The following PLEKHA7 variants were observed in gnomAD, a reference collection of about 807,000 sequenced individuals.
PLEKHA7 encodes pleckstrin homology domain containing A7, also known as pleckstrin homology domain-containing family A member 7.
Under a neutral mutation model 170.0 loss-of-function variants are expected in PLEKHA7, and 104 were observed. The observed-to-expected ratio is 0.61, with a 90% CI of 0.52 to 0.72. The LOEUF (loss-of-function observed/expected upper bound fraction) is 0.72, where lower values mean the gene tolerates loss of function less well. PLEKHA7 is among the 30% of genes least tolerant of loss of function. PLEKHA7 has a pLI of 0.00. For missense variants in PLEKHA7, 1,615 were observed against 1,671.7 expected (o/e 0.97, Z 0.59); for synonymous variants, 648 against 660.8 (o/e 0.98, Z 0.30).
intron 4 of PLEKHA7, among the ~76,000 whole-genome samples, chr11:16,868,674 A>C (rs1438954330): frequency 3.9e-5 from 6 of 152,218 alleles, no homozygotes. Flanking sequence ...ATGTCTGGCC[A>C]ATCAGTGCCA....
chr11:16,962,563 C>T lies in PLEKHA7; in HGVS notation c.221+51426G>A, dbSNP rs1862129151. On this transcript the variant is annotated intron_variant, in intron 3 of 26. Coordinates refer to ENST00000531066, the MANE Select transcript of PLEKHA7 (RefSeq NM_001329630.2). ...GCAACCTGTATCTCCTGGGTTCAAGCGATTCTCCTGCCTCAGCCTCCTGAG... is the reference window on the plus strand; with the variant it reads ...GCAACCTGTATCTCCTGGGTTCAAGTGATTCTCCTGCCTCAGCCTCCTGAG... Among the ~76,000 whole-genome samples, 4 of 152,132 alleles carry T rather than the reference C, an allele frequency of 2.6e-5. No homozygotes were observed. The South Asian group carries it at 6.2e-4, about 24-fold the overall frequency.
chr11:16,940,281 GTT>G (rs71047516), intron 3 of PLEKHA7, among the ~76,000 whole-genome samples: 1,554 of 110,190 alleles, frequency 0.014, 12 homozygotes, highest in African/African-American at 0.048. Context: ...TTCTTCTGCT[GTT>G]TTTTTTTTTT....
At chr11:16,894,652 G>A (rs1182890190) in intron 3 of PLEKHA7, among the ~76,000 whole-genome samples, 1 of 152,116 alleles carries the variant, frequency 6.6e-6, no homozygotes. Context: ...AATGAAGAAG[G>A]TGAATGGTAA....
chr11:16,787,196 G>A lies in PLEKHA7; in HGVS notation c.3358-809C>T, dbSNP rs1272901229. 4 of 985,298 alleles carry A rather than the reference G, an allele frequency of 4.1e-6. No homozygotes were observed. The African/African-American group carries it at 5.2e-5, about 13-fold the overall frequency. The allele number at this position is 985,298 out of a possible 1,614,324, so 61.0% of individuals were successfully genotyped here. ...ATCCTCACAGGCCTTTGACCGCTGAGCAGGTTGTTGAGAACAGAGCAGGCT... is the reference window on the plus strand; with the variant it reads ...ATCCTCACAGGCCTTTGACCGCTGAACAGGTTGTTGAGAACAGAGCAGGCT... On this transcript the variant is annotated intron_variant, in intron 23 of 26. Coordinates refer to ENST00000531066, the MANE Select transcript of PLEKHA7 (RefSeq NM_001329630.2).
Position 17,004,397 on chromosome 11 carries a change from C to CTT in PLEKHA7, c.221+9590_221+9591dup, listed in dbSNP as rs11420002. ...CACCTTTTTTTTCCTTTTTCTTTTT[C>CTT]TTTTTTTTTTTTAAGACACTGTTTC... On this transcript the variant is annotated intron_variant, in intron 3 of 26. Transcript: ENST00000531066. Among the ~76,000 whole-genome samples the CTT allele has an allele frequency of 7.1e-4, 103 of 144,552 alleles. 1 individual carries two copies. The highest frequency in any genetic ancestry group is 1.1e-3 in the African/African-American group (43 of 39,216). 94.8% of individuals were successfully genotyped at this position (144,552 alleles called of 152,430 possible). A position where few individuals can be genotyped will look rare whatever the true frequency, so the allele number is the denominator to read the frequency against.
At chr11:16,824,276 T>A (rs965907757) in intron 10 of PLEKHA7, among the ~76,000 whole-genome samples, 1 of 152,244 alleles carries the variant, frequency 6.6e-6, no homozygotes, top group African/African-American at 2.4e-5. Context: ...GGGTCATGCC[T>A]ATAATCTCGG....
chr11:16,843,959 A>C (rs1321289750), intron 8 of PLEKHA7, among the ~76,000 whole-genome samples: 2 of 152,080 alleles, frequency 1.3e-5, no homozygotes, highest in Non-Finnish European at 2.9e-5. Context: ...ACAAACAAAA[A>C]AACAGGATAA....
At chr11:16,928,109 A>T (rs1859689044) in intron 3 of PLEKHA7, among the ~76,000 whole-genome samples, 5 of 152,182 alleles carry the variant, frequency 3.3e-5, no homozygotes, top group Admixed American at 2.6e-4. Context: ...TCATCCTCAC[A>T]ACAAGTAAAT....
chr11:16,892,432 G>GTGTTTTGTTTTGTTTTGTTTTGTTT lies in PLEKHA7; in HGVS notation c.222-21275_222-21251dup, dbSNP rs199820686. ...TGTGTGTGTGTGTGTGTGTGTGTGT[G>GTGTTTTGTTTTGTTTTGTTTTGTTT]TGTTTTGTTTTGTTTTGTTTTGTTT... On this transcript the variant is annotated intron_variant, in intron 3 of 26. Coordinates refer to ENST00000531066, the MANE Select transcript of PLEKHA7 (RefSeq NM_001329630.2). Among the ~76,000 whole-genome samples, 42 of 115,022 alleles carry GTGTTTTGTTTTGTTTTGTTTTGTTT rather than the reference G, an allele frequency of 3.7e-4. No individual in the cohort carries two copies. The East Asian group carries it at 5.3e-3, about 15-fold the overall frequency. The allele number at this position is 115,022 out of a possible 152,430, so 75.5% of individuals were successfully genotyped here. A position where few individuals can be genotyped will look rare whatever the true frequency, so the allele number is the denominator to read the frequency against.
intron 17 of PLEKHA7, among the ~76,000 whole-genome samples, chr11:16,798,308 T>G (rs886875588): frequency 3.3e-5 from 5 of 152,174 alleles, no homozygotes; most frequent in African/African-American, 1.2e-4. Context: ...CAGGTTACTG[T>G]GCCACTTAGG....
Position 16,932,039 on chromosome 11 carries a change from G to A in PLEKHA7, c.222-60857C>T, listed in dbSNP as rs560174419. Among the ~76,000 whole-genome samples, 28 of 152,220 alleles carry A rather than the reference G, an allele frequency of 1.8e-4. 1 individual carries two copies. The South Asian group carries it at 5.6e-3, about 30-fold the overall frequency. ...GTATGAATGCTCTCAACTCACCAGT[G>A]TTATCACCTATAAACTCCATGAACT... On this transcript the variant is annotated intron_variant, in intron 3 of 26. Transcript: ENST00000531066.
At chr11:16,820,554 A>G (rs1314199412) in intron 10 of PLEKHA7, among the ~76,000 whole-genome samples, 1 of 151,958 alleles carries the variant, frequency 6.6e-6, no homozygotes, top group Admixed American at 6.6e-5. Context: ...CAGAGGTGGT[A>G]GCGGTGGCAG....
At chr11:16,952,838 C>CT (rs1398809578) in intron 3 of PLEKHA7, among the ~76,000 whole-genome samples, 1 of 152,218 alleles carries the variant, frequency 6.6e-6, no homozygotes, top group African/African-American at 2.4e-5. Flanking sequence ...TGTAATTATA[C>CT]TTTGAGTATT....
At chr11:16,962,842 G>A (rs1224474460) in intron 3 of PLEKHA7, among the ~76,000 whole-genome samples, 1 of 152,166 alleles carries the variant, frequency 6.6e-6, no homozygotes, top group Non-Finnish European at 1.5e-5. Flanking sequence ...ACATCTCCCA[G>A]AAGCAACAAC....
chr11:16,779,982 G>T (rs993738908), intron 26 of PLEKHA7, among the ~76,000 whole-genome samples: 52 of 13,502 alleles, frequency 3.9e-3, no homozygotes, highest in Non-Finnish European at 8.9e-3. Flanking sequence ...AAACGGGGAG[G>T]GGGGGGGGAA....
intron 9 of PLEKHA7, among the ~76,000 whole-genome samples, chr11:16,835,312 C>A (rs1249352435): frequency 6.6e-6 from 1 of 152,146 alleles, no homozygotes; most frequent in African/African-American, 2.4e-5. Context: ...CTTAGCTCTG[C>A]TCCTGGGCCA....
chr11:16,803,668 CA>C (rs1455865025), intron 13 of PLEKHA7: 5 of 216,156 alleles, frequency 2.3e-5, no homozygotes, highest in African/African-American at 1.2e-4. Flanking sequence ...AACGTGGGAA[CA>C]AACACAAGTT....
At chr11:16,877,885 G>T (rs546823278) in intron 3 of PLEKHA7, among the ~76,000 whole-genome samples, 44 of 152,282 alleles carry the variant, frequency 2.9e-4, no homozygotes, top group Admixed American at 6.5e-4. Flanking sequence ...ATGATAAAAT[G>T]AAGGAACATA....
chr11:16,778,311 C>T lies in PLEKHA7; in HGVS notation c.*687G>A, dbSNP rs1243663771. The stretch of plus-strand genomic sequence containing the variant: ...TAGCAAACTGCTTTTTTCTTTCTGA[C>T]AAGAGCCTTTTGCTGGAGGAAGCCT... On this transcript the variant is annotated 3_prime_UTR_variant, in exon 27 of 27. Transcript: ENST00000531066. 1.3e-5 allele frequency: 2 copies of T among 152,388 alleles called. No individual in the cohort carries two copies. Among genetic ancestry groups the T allele is most frequent in the East Asian group, 1.9e-4 (1 of 5,212 alleles). The allele number at this position is 152,388 out of a possible 1,614,324, so 9.4% of individuals were successfully genotyped here. A position where few individuals can be genotyped will look rare whatever the true frequency, so the allele number is the denominator to read the frequency against.
Sources: gnomAD v4.1 joint callset for allele counts (sites outside exome capture counted in the v4.1 genomes callset) on GRCh38, gnomAD v4.1.1 for gene constraint, MANE v1.5 for transcripts, NCBI Gene and HGNC (gene_info 2026-07-23, HGNC 2026-07-21) for gene names.